SYN3: variants seen among roughly 807,000 people sequenced by gnomAD.
The protein encoded by SYN3 is synapsin III.
A neutral mutation model predicts 65.8 loss-of-function variants in SYN3; 35 were observed. The observed-to-expected ratio is 0.53, with a 90% CI of 0.41 to 0.70. The LOEUF is 0.70. SYN3 is among the 30% of genes least tolerant of loss of function. The pLI, the probability that SYN3 is intolerant of heterozygous loss-of-function variation, is 0.00. For missense variants in SYN3, 680 were observed against 749.0 expected, an observed-to-expected ratio of 0.91 and a Z score of 1.08; for synonymous variants, 270 against 292.9, an observed-to-expected ratio of 0.92 and a Z score of 0.80.
chr22:32,631,185 C>T (rs1208876686), intron 6 of SYN3, among the ~76,000 whole-genome samples: 2 of 152,054 alleles, frequency 1.3e-5, no homozygotes, highest in Non-Finnish European at 2.9e-5. Context: ...ATCCCAGCTA[C>T]TCGGGAGGCT....
intron 6 of SYN3, among the ~76,000 whole-genome samples, chr22:32,643,514 T>A (rs1423471196): frequency 8.6e-6 from 1 of 115,714 alleles, no homozygotes; most frequent in Non-Finnish European, 1.6e-5. Context: ...CTGTAAGAGA[T>A]CTCTAAGAAT....
intron 6 of SYN3, among the ~76,000 whole-genome samples, chr22:32,797,303 C>CCA (rs1190440422): frequency 6.6e-6 from 1 of 152,160 alleles, no homozygotes; most frequent in Non-Finnish European, 1.5e-5. Flanking sequence ...CTCGTTGTTA[C>CCA]CAACACTTAA....
intron 9 of SYN3, among the ~76,000 whole-genome samples, chr22:32,535,027 G>C (rs953144560): frequency 3.3e-5 from 5 of 152,300 alleles, no homozygotes; most frequent in Admixed American, 2.0e-4. Context: ...CAGGCATTCT[G>C]GGCCCGGGGG....
At chr22:32,722,965 A>T (rs1009109208) in intron 6 of SYN3, among the ~76,000 whole-genome samples, 1 of 152,142 alleles carries the variant, frequency 6.6e-6, no homozygotes, top group African/African-American at 2.4e-5. Context: ...CTTCACCTCA[A>T]ATTGCCTACA....
intron 4 of SYN3, among the ~76,000 whole-genome samples, chr22:32,895,500 C>T (rs1411541186): frequency 6.6e-6 from 1 of 152,066 alleles, no homozygotes; most frequent in Non-Finnish European, 1.5e-5. Flanking sequence ...AACAAAATGC[C>T]AATAATCTAA....
chr22:32,642,565 C>G (rs1036292372), intron 6 of SYN3, among the ~76,000 whole-genome samples: 3 of 151,810 alleles, frequency 2.0e-5, no homozygotes, highest in Non-Finnish European at 4.4e-5. Flanking sequence ...CTCAGCCTCT[C>G]CGAGTAGCTG....
At chr22:32,826,182 A>G (rs2047407060) in intron 6 of SYN3, among the ~76,000 whole-genome samples, 1 of 152,184 alleles carries the variant, frequency 6.6e-6, no homozygotes, top group Non-Finnish European at 1.5e-5. Flanking sequence ...TAATTCCAGC[A>G]CTTTGGGAAG....
chr22:32,633,339 C>T (rs1039715741), intron 6 of SYN3, among the ~76,000 whole-genome samples: 4 of 152,158 alleles, frequency 2.6e-5, no homozygotes, highest in Non-Finnish European at 4.4e-5. Flanking sequence ...CCGGGTCACA[C>T]AGTTAAGTGG....
chr22:32,983,123 G>A (rs58068804), intron 2 of SYN3, among the ~76,000 whole-genome samples: 4,187 of 152,236 alleles, frequency 0.028, 199 homozygotes, highest in African/African-American at 0.094. Context: ...GCTGTGAACT[G>A]AGCATTGTGT....
At chr22:32,771,644 ACAT>A (rs1364957850) in intron 6 of SYN3, among the ~76,000 whole-genome samples, 3 of 152,236 alleles carry the variant, frequency 2.0e-5, no homozygotes, top group African/African-American at 7.2e-5. Context: ...AAATACATCT[ACAT>A]CATATTCGGT....
chr22:32,849,588 G>A, intron 6 of SYN3: 1 of 1,533,242 alleles, frequency 6.5e-7, no homozygotes, highest in Non-Finnish European at 8.9e-7. Context: ...TTTGCCAGAA[G>A]AGTCCTGGCT....
intron 6 of SYN3, among the ~76,000 whole-genome samples, chr22:32,782,650 T>C (rs1265237578): frequency 1.1e-4 from 17 of 151,926 alleles, no homozygotes; most frequent in Admixed American, 1.1e-3. Context: ...CCCGAGTAGC[T>C]GGGACCACAG....
chr22:33,045,704 C>T (rs552151364), intron 1 of SYN3, among the ~76,000 whole-genome samples: 2 of 151,490 alleles, frequency 1.3e-5, no homozygotes, highest in Admixed American at 6.6e-5. Flanking sequence ...CCTTGTGATC[C>T]GCACACCTCG....
intron 6 of SYN3, among the ~76,000 whole-genome samples, chr22:32,703,162 T>G (rs1193090999): frequency 4.6e-5 from 7 of 152,232 alleles, no homozygotes; most frequent in Non-Finnish European, 1.0e-4. Context: ...TACATGTGAT[T>G]TATACAGAAT....
intron 6 of SYN3, among the ~76,000 whole-genome samples, chr22:32,676,647 C>T (rs2060448723): frequency 6.7e-6 from 1 of 149,532 alleles, no homozygotes; most frequent in Non-Finnish European, 1.5e-5. Context: ...CGCCATTCTC[C>T]TGCCTTAGCC....
At chr22:32,899,374 T>C (rs2049694891) in intron 4 of SYN3, among the ~76,000 whole-genome samples, 1 of 152,182 alleles carries the variant, frequency 6.6e-6, no homozygotes, top group African/African-American at 2.4e-5. Context: ...TGCAGTGGTT[T>C]TGAAATGGGG....
In SYN3 at chr22:32,823,296, C is replaced by G. The variant is rs1056015733; in HGVS notation, c.711+41619G>C. ...TTACGGACCTGACGCTGGAAATCCT[C>G]TCTCTCCAAGGTCCCTGCAGGAGAT... On this transcript the variant is annotated intron_variant, in intron 6 of 13. Coordinates refer to ENST00000358763, the MANE Select transcript of SYN3 (RefSeq NM_003490.4). Among the ~76,000 whole-genome samples the G allele has an allele frequency of 2.6e-5, 4 of 152,328 alleles. No homozygotes were observed. In the South Asian group the frequency reaches 8.3e-4, roughly 32 times the overall value.
intron 11 of SYN3, among the ~76,000 whole-genome samples, 169 bp from the exon 12 acceptor site, chr22:32,528,174 G>A (rs941686451): frequency 2.6e-5 from 4 of 152,226 alleles, no homozygotes; most frequent in South Asian, 2.1e-4. Context: ...TGTATACGTC[G>A]GTGTAACCAC....
At chr22:32,860,428 G>A (rs969120238) in intron 6 of SYN3, 1 of 152,580 alleles carries the variant, frequency 6.6e-6, no homozygotes, top group African/African-American at 2.4e-5. Flanking sequence ...TTTTTTTACA[G>A]GACACAGAAT....
Sources: gnomAD v4.1 joint callset for allele counts (sites outside exome capture counted in the v4.1 genomes callset) on GRCh38, gnomAD v4.1.1 for gene constraint, MANE v1.5 for transcripts, NCBI Gene and HGNC (gene_info 2026-07-23, HGNC 2026-07-21) for gene names.